The following PRICKLE1 variants were observed in gnomAD, a reference collection of about 807,000 sequenced individuals.
PRICKLE1 encodes the protein prickle-like protein 1.
PRICKLE1 carries 14 observed loss-of-function variants against 70.2 expected under a neutral mutation model. The observed-to-expected ratio is 0.20, with a 90% CI of 0.13 to 0.31. PRICKLE1 has a LOEUF of 0.31. Among genes scored for constraint, PRICKLE1 ranks in the 10% least tolerant of loss-of-function variants. The probability of loss-of-function intolerance (pLI) is 1.00; values close to 1 mark genes in which losing one functional copy is unlikely to be tolerated. For missense variants in PRICKLE1, 821 were observed against 1,026.2 expected (o/e 0.80, Z 2.73); for synonymous variants, 357 against 379.9 (o/e 0.94, Z 0.70).
chr12:42,577,310 T>A (rs1940819381), intron 1 of PRICKLE1, among the ~76,000 whole-genome samples: 1 of 152,172 alleles, frequency 6.6e-6, no homozygotes, highest in Admixed American at 6.6e-5. Context: ...TTTTTTTTTT[T>A]AGCTGTCACA....
At chr12:42,527,069 CA>C (rs1293128033) in intron 1 of PRICKLE1, among the ~76,000 whole-genome samples, 1 of 148,992 alleles carries the variant, frequency 6.7e-6, no homozygotes, top group African/African-American at 2.5e-5. Context: ...GTGAAGAAGT[CA>C]GATGGTGTCA....
At chr12:42,587,338 A>T (rs933810334) in intron 1 of PRICKLE1, among the ~76,000 whole-genome samples, 1 of 150,764 alleles carries the variant, frequency 6.6e-6, no homozygotes, top group Non-Finnish European at 1.5e-5. Flanking sequence ...CCCTCTCTCC[A>T]TCCCTCCCTC....
intron 1 of PRICKLE1, among the ~76,000 whole-genome samples, chr12:42,521,929 GGTGTGTGTGTGTGTGTGT>G (rs72169209): frequency 3.7e-4 from 52 of 139,910 alleles, no homozygotes; most frequent in South Asian, 2.2e-3. Context: ...GTTTGTTTTT[GGTGTGTGTGTGTGTGTGT>G]GTGTGTGTGT....
chr12:42,470,375 T>A lies in PRICKLE1; in HGVS notation c.133-16A>T. 6.7e-7 allele frequency: 1 copy of A among 1,487,916 alleles called. No homozygotes were observed. Among genetic ancestry groups the A allele is most frequent in the South Asian group, 1.1e-5 (1 of 88,538 alleles). 92.2% of individuals were successfully genotyped at this position (1,487,916 alleles called of 1,614,324 possible). A position where few individuals can be genotyped will look rare whatever the true frequency, so the allele number is the denominator to read the frequency against. ...AGAGCTGGATCTGCAAAAGAGACAG[T>A]GAGAATGGCATCAACATACAGAACT... is the stretch of plus-strand genomic sequence containing the variant. On this transcript the variant is annotated splice_polypyrimidine_tract_variant and intron_variant, in intron 2 of 7. Coordinates refer to ENST00000345127, the MANE Select transcript of PRICKLE1 (RefSeq NM_153026.3).
chr12:42,462,608 A>G (rs550518071), intron 7 of PRICKLE1, among the ~76,000 whole-genome samples: 1 of 152,040 alleles, frequency 6.6e-6, no homozygotes, highest in South Asian at 2.1e-4. Context: ...ACTCCCCTTT[A>G]TTGCCGGCCT....
chr12:42,557,319 T>C (rs1018297584), intron 1 of PRICKLE1, among the ~76,000 whole-genome samples: 2 of 152,202 alleles, frequency 1.3e-5, no homozygotes, highest in African/African-American at 4.8e-5. Flanking sequence ...GCAACTCACT[T>C]AAGTGTCTGT....
intron 1 of PRICKLE1, among the ~76,000 whole-genome samples, chr12:42,545,621 G>A (rs1174436607): frequency 6.6e-6 from 1 of 152,210 alleles, no homozygotes; most frequent in African/African-American, 2.4e-5. Context: ...GGCCAAGGCA[G>A]GCAGATCACT....
intron 1 of PRICKLE1, among the ~76,000 whole-genome samples, chr12:42,528,181 A>G (rs1373283152): frequency 1.3e-5 from 2 of 151,952 alleles, no homozygotes; most frequent in Non-Finnish European, 2.9e-5. Context: ...CCCGGGCTCA[A>G]CTGGCCCTCC....
At chr12:42,565,640 C>T (rs576320887) in intron 1 of PRICKLE1, among the ~76,000 whole-genome samples, 2 of 152,194 alleles carry the variant, frequency 1.3e-5, no homozygotes, top group Non-Finnish European at 2.9e-5. Context: ...GCCAATCCTG[C>T]GGGTTTATTC....
intron 1 of PRICKLE1, among the ~76,000 whole-genome samples, chr12:42,538,550 T>C (rs1940053258): frequency 1.3e-5 from 2 of 152,210 alleles, no homozygotes; most frequent in Admixed American, 1.3e-4. Flanking sequence ...CTGCTACCGG[T>C]CAGAGGATCA....
intron 1 of PRICKLE1, chr12:42,484,347 T>C (rs1158740812): frequency 3.3e-5 from 5 of 152,124 alleles, no homozygotes; most frequent in Admixed American, 3.3e-4. Context: ...AGGACGCTTA[T>C]GTAAACTTCC....
At chr12:42,546,128 T>C (rs1027313533) in intron 1 of PRICKLE1, among the ~76,000 whole-genome samples, 1 of 152,054 alleles carries the variant, frequency 6.6e-6, no homozygotes, top group African/African-American at 2.4e-5. Context: ...ACCTTTGCCT[T>C]GTAGAATTTC....
intron 1 of PRICKLE1, among the ~76,000 whole-genome samples, chr12:42,506,540 A>AT: frequency 7.1e-6 from 1 of 141,750 alleles, no homozygotes; most frequent in East Asian, 2.1e-4. Context: ...TACAGACGTG[A>AT]GCCACCGCGC....
Position 42,477,199 on chromosome 12 carries a change from C to T in PRICKLE1, c.-48-4635G>A, listed in dbSNP as rs1281613252. ...ACCAACCTGACCAACATGGAGAAAC[C>T]CCGTCTCTACTAAAAATACAAAATT... On this transcript the variant is annotated intron_variant, in intron 1 of 7. Coordinates refer to ENST00000345127, the MANE Select transcript of PRICKLE1 (RefSeq NM_153026.3). Among the ~76,000 whole-genome samples, 3 of 151,486 alleles carry T rather than the reference C, an allele frequency of 2.0e-5. No individual in the cohort carries two copies. In the South Asian group the frequency reaches 6.3e-4, roughly 32 times the overall value.
chr12:42,546,270 T>C (rs1040297792), intron 1 of PRICKLE1, among the ~76,000 whole-genome samples: 2 of 152,282 alleles, frequency 1.3e-5, no homozygotes, highest in East Asian at 3.9e-4. Flanking sequence ...ACAGTACACA[T>C]AAATTTGAAA....
intron 1 of PRICKLE1, among the ~76,000 whole-genome samples, chr12:42,553,977 G>A (rs1212252903): frequency 4.6e-5 from 7 of 152,066 alleles, no homozygotes; most frequent in East Asian, 1.9e-4. Context: ...GGTGGCTGGC[G>A]CCTGTAATCC....
At chr12:42,575,050 C>T (rs1433166690) in intron 1 of PRICKLE1, among the ~76,000 whole-genome samples, 1 of 150,824 alleles carries the variant, frequency 6.6e-6, no homozygotes, top group Non-Finnish European at 1.5e-5. Context: ...AAAGCTCTTA[C>T]AGTACTAAAG....
At chr12:42,574,658 C>G (rs1940774598) in intron 1 of PRICKLE1, among the ~76,000 whole-genome samples, 1 of 152,026 alleles carries the variant, frequency 6.6e-6, no homozygotes, top group Admixed American at 6.6e-5. Context: ...TAAAACAGAC[C>G]CTTCCAACCT....
intron 1 of PRICKLE1, among the ~76,000 whole-genome samples, chr12:42,509,398 T>G (rs1238261644): frequency 6.6e-6 from 1 of 152,212 alleles, no homozygotes. Flanking sequence ...ATTCTTCCTT[T>G]AAAGCACACT....
Sources: allele counts gnomAD v4.1 joint callset (sites outside exome capture counted in the v4.1 genomes callset), GRCh38; gene constraint gnomAD v4.1.1; transcripts MANE v1.5; gene names NCBI Gene and HGNC (gene_info 2026-07-23, HGNC 2026-07-21).